GRIP1: variants seen among roughly 807,000 people sequenced by gnomAD.
GRIP1 encodes the protein glutamate receptor-interacting protein 1.
A neutral mutation model predicts 129.9 loss-of-function variants in GRIP1; 45 were observed. The ratio of observed to expected loss-of-function variants is 0.35; its 90% CI spans 0.27 to 0.44. The LOEUF (loss-of-function observed/expected upper bound fraction) is 0.44, where lower values mean the gene tolerates loss of function less well. Among genes scored for constraint, GRIP1 ranks in the 20% least tolerant of loss-of-function variants. The probability of loss-of-function intolerance (pLI) is 1.00; values close to 1 mark genes in which losing one functional copy is unlikely to be tolerated. For synonymous variants in GRIP1, 530 were observed against 520.8 expected (o/e 1.02, Z -0.24); for missense variants, 1,196 against 1,396.8 (o/e 0.86, Z 2.29).
At chr12:66,671,851 A>G (rs1040947598) in intron 1 of GRIP1, among the ~76,000 whole-genome samples, 7 of 152,230 alleles carry the variant, frequency 4.6e-5, no homozygotes, top group African/African-American at 1.4e-4. Context: ...TATGTATCAG[A>G]AGACTTGAAA....
chr12:66,770,861 C>T (rs928268296), intron 1 of GRIP1, among the ~76,000 whole-genome samples: 6 of 152,032 alleles, frequency 3.9e-5, no homozygotes, highest in Non-Finnish European at 7.4e-5. Context: ...TTTGGGAGGC[C>T]GAGGCAGGTG....
intron 23 of GRIP1, among the ~76,000 whole-genome samples, chr12:66,369,507 G>A (rs2055360175): frequency 6.6e-6 from 1 of 152,018 alleles, no homozygotes; most frequent in African/African-American, 2.4e-5. Flanking sequence ...CTTCTTCCTT[G>A]GAGGTAACTG....
chr12:66,359,178 C>T (rs1360603920), intron 23 of GRIP1, among the ~76,000 whole-genome samples: 3 of 152,218 alleles, frequency 2.0e-5, no homozygotes, highest in African/African-American at 7.2e-5. Flanking sequence ...TTCTGCTCTG[C>T]AGGCCTAGCC....
At chr12:66,957,701 T>A (rs1354442) in intron 1 of GRIP1, among the ~76,000 whole-genome samples, 102,659 of 152,012 alleles carry the variant, frequency 0.68, 35,183 homozygotes, top group East Asian at 0.82. Flanking sequence ...TTTTCATCAC[T>A]TCACATTAAG....
intron 23 of GRIP1, among the ~76,000 whole-genome samples, chr12:66,369,858 G>T (rs2055386812): frequency 6.6e-6 from 1 of 152,308 alleles, no homozygotes; most frequent in African/African-American, 2.4e-5. Flanking sequence ...ATGTCAATTA[G>T]TATATTAGGA....
chr12:66,736,346 ATT>A (rs547706592), intron 1 of GRIP1, among the ~76,000 whole-genome samples: 2 of 67,022 alleles, frequency 3.0e-5, no homozygotes, highest in Admixed American at 1.9e-4. Context: ...TGCCTGGCTA[ATT>A]TTTTTTTTTT....
intron 15 of GRIP1, among the ~76,000 whole-genome samples, chr12:66,419,967 T>C (rs2057746858): frequency 6.6e-6 from 1 of 152,068 alleles, no homozygotes; most frequent in African/African-American, 2.4e-5. Flanking sequence ...CATGGCGGTG[T>C]GCACCTGTAA....
At chr12:67,056,096 G>A (rs1326116551) in intron 1 of GRIP1, among the ~76,000 whole-genome samples, 2 of 152,048 alleles carry the variant, frequency 1.3e-5, no homozygotes, top group East Asian at 3.9e-4. Context: ...TAGAAGGGGG[G>A]ATAAGGGATC....
intron 1 of GRIP1, among the ~76,000 whole-genome samples, chr12:67,054,453 A>C (rs535335708): frequency 1.3e-5 from 2 of 152,268 alleles, no homozygotes; most frequent in South Asian, 4.1e-4. Flanking sequence ...CATGTGCGAA[A>C]AAATAAAAAT....
At chr12:66,590,936 C>G (rs993098352) in intron 2 of GRIP1, among the ~76,000 whole-genome samples, 2 of 152,130 alleles carry the variant, frequency 1.3e-5, no homozygotes, top group Non-Finnish European at 2.9e-5. Flanking sequence ...GTATGCCAGT[C>G]TTAGGGCCAC....
intron 2 of GRIP1, among the ~76,000 whole-genome samples, chr12:66,543,774 G>A (rs755282093): frequency 1.5e-4 from 23 of 152,120 alleles, no homozygotes; most frequent in Non-Finnish European, 2.4e-4. Context: ...AAGATTCTCT[G>A]CATCTTCTTT....
intron 1 of GRIP1, among the ~76,000 whole-genome samples, chr12:66,678,400 G>C (rs1180137170): frequency 1.3e-5 from 2 of 152,064 alleles, no homozygotes; most frequent in African/African-American, 4.8e-5. Flanking sequence ...TAAGATGTTG[G>C]AAAGTCATAG....
intron 1 of GRIP1, among the ~76,000 whole-genome samples, chr12:66,949,006 A>G (rs182112967): frequency 1.3e-5 from 2 of 152,330 alleles, no homozygotes; most frequent in Admixed American, 1.3e-4. Context: ...CATATAGTGG[A>G]GCTGACACGG....
intron 1 of GRIP1, among the ~76,000 whole-genome samples, chr12:66,715,452 A>ATGTGTGTGTGTG (rs36142878): frequency 0.013 from 922 of 72,908 alleles, 26 homozygotes; most frequent in South Asian, 0.041. Flanking sequence ...TTGTAGCTTG[A>ATGTGTGTGTGTG]TGTGTGTGTG....
At chr12:66,795,251 ACT>A in intron 1 of GRIP1, among the ~76,000 whole-genome samples, 1 of 152,326 alleles carries the variant, frequency 6.6e-6, no homozygotes, top group African/African-American at 2.4e-5. Context: ...CAAGGATGCC[ACT>A]GTTGGCGTCA....
chr12:66,844,665 T>G (rs945716134), intron 1 of GRIP1, among the ~76,000 whole-genome samples: 1 of 152,192 alleles, frequency 6.6e-6, no homozygotes, highest in African/African-American at 2.4e-5. Flanking sequence ...ATGTTCACAG[T>G]AGCATTATTC....
At chr12:66,449,911 T>C (rs2058731071) in intron 11 of GRIP1, among the ~76,000 whole-genome samples, 1 of 152,146 alleles carries the variant, frequency 6.6e-6, no homozygotes, top group Non-Finnish European at 1.5e-5. Context: ...TTTTTTTCCA[T>C]TTGAGATCAC....
intron 1 of GRIP1, among the ~76,000 whole-genome samples, chr12:66,862,344 C>G (rs1254931754): frequency 6.6e-6 from 1 of 152,004 alleles, no homozygotes; most frequent in Non-Finnish European, 1.5e-5. Context: ...GAAAAAAGAA[C>G]CTGGGACTCC....
intron 1 of GRIP1, among the ~76,000 whole-genome samples, chr12:66,966,700 C>T (rs957931423): frequency 6.6e-6 from 1 of 152,096 alleles, no homozygotes; most frequent in Non-Finnish European, 1.5e-5. Flanking sequence ...ATTTGTCTGA[C>T]GTTTTTCTCA....
Sources: gnomAD v4.1 joint callset for allele counts (sites outside exome capture counted in the v4.1 genomes callset) on GRCh38, gnomAD v4.1.1 for gene constraint, MANE v1.5 for transcripts, NCBI Gene and HGNC (gene_info 2026-07-23, HGNC 2026-07-21) for gene names.